Variants in CACNA1I observed in about 807,000 individuals in gnomAD.
CACNA1I encodes calcium voltage-gated channel subunit alpha1 I, also known as voltage-dependent T-type calcium channel subunit alpha-1I.
Under a neutral mutation model 201.6 loss-of-function variants are expected in CACNA1I, and 74 were observed. That is an observed-to-expected ratio of 0.37 (90% CI 0.30 to 0.45). The LOEUF is 0.45. Ranked by LOEUF, CACNA1I falls within the 20% of genes least tolerant of loss-of-function variation. The probability of loss-of-function intolerance (pLI) is 1.00; values close to 1 mark genes in which losing one functional copy is unlikely to be tolerated. For missense variants in CACNA1I, 2,346 were observed against 3,138.1 expected (o/e 0.75, Z 6.03); for synonymous variants, 1,431 against 1,345.2 (o/e 1.06, Z -1.40).
At chr22:39,633,670 T>C (rs1569072381) in intron 4 of CACNA1I, among the ~76,000 whole-genome samples, 1 of 152,230 alleles carries the variant, frequency 6.6e-6, no homozygotes, top group East Asian at 1.9e-4. Flanking sequence ...TCAAATAATT[T>C]GGCACTGCAA....
chr22:39,592,150 C>G (rs1045250399), intron 1 of CACNA1I, among the ~76,000 whole-genome samples: 1 of 152,294 alleles, frequency 6.6e-6, no homozygotes, highest in Non-Finnish European at 1.5e-5. Flanking sequence ...ATTTTCTCCC[C>G]GAGGCCTGTG....
At position 39,668,273 on chromosome 22, in the gene CACNA1I, G is replaced by A. The variant is rs182747968; in HGVS notation, c.4105-19G>A. ...CTCACAGTCCTCACCCCTGCATTCC[G>A]CCTCCCCATGTCTCCCAGGCTCTGA... On this transcript the variant is annotated intron_variant, in intron 23 of 36. Coordinates refer to ENST00000402142, the MANE Select transcript of CACNA1I (RefSeq NM_021096.4). 1.7e-5 allele frequency: 27 copies of A among 1,552,742 alleles called. No individual in the cohort carries two copies. The highest frequency in any genetic ancestry group is 8.9e-5 in the South Asian group (8 of 89,534).
At chr22:39,576,671 C>G (rs77632940) in intron 1 of CACNA1I, among the ~76,000 whole-genome samples, 3,148 of 152,292 alleles carry the variant, frequency 0.021, 102 homozygotes, top group African/African-American at 0.072. Context: ...CGCCAGCCTG[C>G]GGGGAGGCAG....
intron 8 of CACNA1I, among the ~76,000 whole-genome samples, chr22:39,647,449 G>A (rs1239669817): frequency 6.6e-6 from 1 of 152,190 alleles, no homozygotes; most frequent in African/African-American, 2.4e-5. Context: ...TGTTAAGACA[G>A]GGTCACCCAG....
At chr22:39,620,355 ACATCCACCTGTCCATCCACTCATCCACC>A (rs1175983796) in intron 4 of CACNA1I, among the ~76,000 whole-genome samples, 2 of 132,912 alleles carry the variant, frequency 1.5e-5, no homozygotes, top group Non-Finnish European at 3.3e-5. Context: ...AGTCAGCCAG[ACATCCACCTGTCCATCCACTCATCCACC>A]CATCCACCTG....
At chr22:39,617,815 C>T (rs1300350842) in intron 3 of CACNA1I, among the ~76,000 whole-genome samples, 1 of 142,320 alleles carries the variant, frequency 7.0e-6, no homozygotes, top group Non-Finnish European at 1.5e-5. Flanking sequence ...CCTCTTCCCT[C>T]CTCCTGCTCC....
chr22:39,575,183 G>T (rs372436506), intron 1 of CACNA1I, among the ~76,000 whole-genome samples: 14 of 152,376 alleles, frequency 9.2e-5, no homozygotes, highest in Admixed American at 8.5e-4. Context: ...CTTGAATCAC[G>T]GGGAGGTGGC....
At chr22:39,612,466 C>T (rs971587121) in intron 3 of CACNA1I, among the ~76,000 whole-genome samples, 21 of 152,126 alleles carry the variant, frequency 1.4e-4, no homozygotes, top group Admixed American at 2.6e-4. Flanking sequence ...TCTCACAGTT[C>T]TGGAGGTTGG....
chr22:39,686,406 G>T lies in CACNA1I; in HGVS notation c.*1G>T. The T allele has an allele frequency of 1.6e-6, 2 of 1,248,034 alleles. No individual in the cohort carries two copies. Among genetic ancestry groups the T allele is most frequent in the South Asian group, 2.7e-5 (1 of 37,716 alleles). The allele number at this position is 1,248,034 out of a possible 1,614,324, so 77.3% of individuals were successfully genotyped here. A position where few individuals can be genotyped will look rare whatever the true frequency, so the allele number is the denominator to read the frequency against. On this transcript the variant is annotated 3_prime_UTR_variant, in exon 37 of 37. Transcript: ENST00000402142. ...CGCCGCCAGCAAGAGGAAGAGATGA[G>T]GGTCGCAGGGGCCCCCGGCCGCCCA... is the stretch of plus-strand genomic sequence containing the variant.
In CACNA1I at chr22:39,682,482, C is replaced by G. The variant is rs764745881; in HGVS notation, c.5665-14C>G. The G allele has an allele frequency of 6.2e-7, 1 of 1,612,072 alleles. No homozygotes were observed. Among genetic ancestry groups the G allele is most frequent in the Non-Finnish European group, 8.5e-7 (1 of 1,178,910 alleles). ...TTCCCAGTCCTGCCCCATCCTACCT[C>G]CCTTTCCTTGCAGGGTGAGCTGGAC... On this transcript the variant is annotated splice_polypyrimidine_tract_variant and intron_variant, in intron 34 of 36. Coordinates refer to ENST00000402142, the MANE Select transcript of CACNA1I (RefSeq NM_021096.4).
intron 2 of CACNA1I, 112 bp from the exon 3 acceptor site, chr22:39,600,408 C>G (rs1039334738): frequency 2.4e-6 from 2 of 847,162 alleles, no homozygotes; most frequent in Non-Finnish European, 3.7e-6. Flanking sequence ...CCGGGTGTTT[C>G]CCAGGCCCCT....
In CACNA1I at chr22:39,673,968, A is replaced by G; in HGVS notation, c.4789A>G (p.Lys1597Glu). 6.2e-7 allele frequency: 1 copy of G among 1,612,936 alleles called. No homozygotes were observed. The highest frequency in any genetic ancestry group is 8.5e-7 in the Non-Finnish European group (1 of 1,179,820). ...MRVLRIARVL[K>E]LLKMATGMRA... ...GGGCTGGGTCTCGCCCGCAGTGCTGAAGCTGTTGAAGATGGCCACAGGAAT... is the reference window on the plus strand; with the variant it reads ...GGGCTGGGTCTCGCCCGCAGTGCTGGAGCTGTTGAAGATGGCCACAGGAAT... Residue 1597 changes from lysine (K) to glutamate (E), a missense_variant, in exon 29 of 37, where the codon AAG (lysine) becomes GAG (glutamate). By Grantham distance (56) the Lys-to-Glu change is moderately conservative. This residue lies in a region of CACNA1I where 228 missense variants were observed against 395.7 expected (regional missense o/e 0.58). Transcript: ENST00000402142.
intron 1 of CACNA1I, among the ~76,000 whole-genome samples, chr22:39,575,966 G>A (rs964190897): frequency 6.6e-6 from 1 of 152,026 alleles, no homozygotes; most frequent in Non-Finnish European, 1.5e-5. Flanking sequence ...TAAGAGATGG[G>A]GTTTCACCAT....
chr22:39,647,951 G>T, intron 9 of CACNA1I, 25 bp downstream of exon 9: 1 of 1,601,504 alleles, frequency 6.2e-7, no homozygotes, highest in South Asian at 1.1e-5. Context: ...CGGGAGGTGG[G>T]CCCTGCCCCC....
chr22:39,660,111 T>G (rs1200732277), intron 14 of CACNA1I, among the ~76,000 whole-genome samples: 1 of 152,106 alleles, frequency 6.6e-6, no homozygotes, highest in Non-Finnish European at 1.5e-5. Flanking sequence ...TCCCCCAAGA[T>G]TAGGGACTCT....
chr22:39,673,913 C>A (rs552851091), intron 28 of CACNA1I, 50 bp from the exon 29 acceptor site: 1 of 1,572,830 alleles, frequency 6.4e-7, no homozygotes, highest in East Asian at 2.2e-5. Flanking sequence ...TGCACACACA[C>A]GTCCCCACCG....
chr22:39,642,785 T>C lies in CACNA1I; in HGVS notation c.1057-12T>C. 6.3e-7 allele frequency: 1 copy of C among 1,597,708 alleles called. No homozygotes were observed. Among genetic ancestry groups the C allele is most frequent in the Non-Finnish European group, 8.5e-7 (1 of 1,170,216 alleles). ...CCAGTCCTCTCGGCTCTCTCTCCTC[T>C]GCGCGCTGCAGGTGATCACTCTGGA... On this transcript the variant is annotated splice_polypyrimidine_tract_variant and intron_variant, in intron 6 of 36. Coordinates refer to ENST00000402142, the MANE Select transcript of CACNA1I (RefSeq NM_021096.4).
In CACNA1I at chr22:39,655,664, A is replaced by G. The variant is rs187167176; in HGVS notation, c.1993-2488A>G. On this transcript the variant is annotated intron_variant, in intron 10 of 36. Transcript: ENST00000402142. The stretch of plus-strand genomic sequence containing the variant: ...CTTTGCCCCTCACTCCCTTGTCTCT[A>G]TCTGTCTGTCTGTCTGTCTCTGCCC... Among the ~76,000 whole-genome samples the G allele has an allele frequency of 5.3e-3, 801 of 150,772 alleles. 3 individuals are homozygous for G. Among genetic ancestry groups the G allele is most frequent in the Non-Finnish European group, 9.4e-3 (635 of 67,686 alleles).
rs375121453 is a variant in CACNA1I, at chr22:39,644,761, C to T, written c.1150-1808C>T. Among the ~76,000 whole-genome samples, 12 of 151,872 alleles carry T rather than the reference C, an allele frequency of 7.9e-5. No individual in the cohort carries two copies. In the East Asian group the frequency reaches 1.2e-3, roughly 15 times the overall value. ...GGAGTGCTGTGGTGCAATCATAGCTCGCTGCAGCCTTGATCTCCTGGGCTC... is the reference window on the plus strand; with the variant it reads ...GGAGTGCTGTGGTGCAATCATAGCTTGCTGCAGCCTTGATCTCCTGGGCTC... On this transcript the variant is annotated intron_variant, in intron 7 of 36. Coordinates refer to ENST00000402142, the MANE Select transcript of CACNA1I (RefSeq NM_021096.4).
Sources: allele counts gnomAD v4.1 joint callset (sites outside exome capture counted in the v4.1 genomes callset), GRCh38; gene constraint gnomAD v4.1.1; regional missense constraint gnomAD v4.1.1; transcripts MANE v1.5; gene names NCBI Gene and HGNC (gene_info 2026-07-23, HGNC 2026-07-21).